Variants in WDSUB1 observed in about 807,000 individuals in gnomAD.
WDSUB1 encodes the protein WD repeat, SAM and U-box domain-containing protein 1.
In WDSUB1, 49 loss-of-function variants were observed where a neutral mutation model predicts 53.9. That is an observed-to-expected ratio of 0.91 (90% confidence interval 0.72 to 1.15). The LOEUF (loss-of-function observed/expected upper bound fraction) is 1.15, where lower values mean the gene tolerates loss of function less well. Among genes scored for constraint, WDSUB1 ranks in the 50% most tolerant of loss-of-function variants. WDSUB1 has a pLI of 0.00. For synonymous variants in WDSUB1, 194 were observed against 200.6 expected, an observed-to-expected ratio of 0.97 and a Z score of 0.28; for missense variants, 514 against 562.0, an observed-to-expected ratio of 0.91 and a Z score of 0.86.
intron 3 of WDSUB1, among the ~76,000 whole-genome samples, chr2:159,277,380 A>G (rs1386681614): frequency 6.6e-6 from 1 of 152,256 alleles, no homozygotes; most frequent in Non-Finnish European, 1.5e-5. Context: ...AGACCTAATT[A>G]GCAACGCTAT....
chr2:159,262,958 C>A (rs550416294), intron 5 of WDSUB1, among the ~76,000 whole-genome samples: 1 of 152,300 alleles, frequency 6.6e-6, no homozygotes, highest in East Asian at 1.9e-4. Flanking sequence ...TGTCATCTTT[C>A]CCCCAGTTTC....
At chr2:159,260,773 C>A (rs921462667) in intron 5 of WDSUB1, among the ~76,000 whole-genome samples, 1 of 152,184 alleles carries the variant, frequency 6.6e-6, no homozygotes, top group Non-Finnish European at 1.5e-5. Flanking sequence ...TTTCTACCCC[C>A]CTTGGAAACA....
chr2:159,277,978 G>C (rs2061577779), intron 3 of WDSUB1, among the ~76,000 whole-genome samples: 1 of 152,104 alleles, frequency 6.6e-6, no homozygotes, highest in African/African-American at 2.4e-5. Context: ...GGTTTAGTGA[G>C]CCTTTCCTGA....
In WDSUB1 at chr2:159,282,986, G is replaced by A. The variant is rs368287030; in HGVS notation, c.84C>T (p.Cys28=). ...ACAGGCGAATTGTTTTGTCCAAGGA[G>A]CAAGTAGCCAAGAGGGAAAAGGAGA... The part of the protein sequence containing the change: ...CAFSFSLLAT[C]SLDKTIRLYS... The change falls in exon 2 of 11, where the codon TGC becomes TGT. Residue 28 remains cysteine, a synonymous_variant. Transcript: ENST00000359774. The A allele has an allele frequency of 9.3e-6, 15 of 1,614,054 alleles. No homozygotes were observed. Among genetic ancestry groups the A allele is most frequent in the Non-Finnish European group, 1.3e-5 (15 of 1,180,048 alleles).
intron 1 of WDSUB1, among the ~76,000 whole-genome samples, chr2:159,284,102 G>A (rs1171083705): frequency 6.6e-6 from 1 of 152,118 alleles, no homozygotes; most frequent in Admixed American, 6.5e-5. Flanking sequence ...GTGAGCCACC[G>A]TACCCGGCCA....
chr2:159,275,031 G>A (rs927020071), intron 4 of WDSUB1, among the ~76,000 whole-genome samples: 4 of 151,920 alleles, frequency 2.6e-5, no homozygotes, highest in African/African-American at 7.3e-5. Context: ...GAAATGTGGG[G>A]GATAAAAAAA....
chr2:159,261,985 C>G (rs2151103734), intron 5 of WDSUB1, among the ~76,000 whole-genome samples: 1 of 140,012 alleles, frequency 7.1e-6, no homozygotes, highest in East Asian at 2.2e-4. Context: ...ACCTAGAGCC[C>G]AGTTCTGCTT....
chr2:159,251,872 A>G (rs1344328600), intron 9 of WDSUB1, among the ~76,000 whole-genome samples: 1 of 152,228 alleles, frequency 6.6e-6, no homozygotes, highest in African/African-American at 2.4e-5. Context: ...GAGCTGGGAA[A>G]TGACAGCATA....
In WDSUB1 at chr2:159,256,233, A is replaced by G. The variant is rs2061058554; in HGVS notation, c.1095T>C (p.Asn365=). The change falls in exon 9 of 11, where the codon AAT becomes AAC. Residue 365 remains asparagine, a synonymous_variant. Transcript: ENST00000359774. ...MNNIDGKELL[N]LTKESLADDL... ...CATCAGCCAGACTTTCTTTTGTAAG[A>G]TTCAACAGTTCTTTTCCATCAATGT... is the stretch of plus-strand genomic sequence containing the variant. 6.2e-7 allele frequency: 1 copy of G among 1,607,448 alleles called. No homozygotes were observed. The highest frequency in any genetic ancestry group is 1.3e-5 in the African/African-American group (1 of 74,596).
At chr2:159,248,105 A>G (rs1311063913) in intron 10 of WDSUB1, among the ~76,000 whole-genome samples, 1 of 151,058 alleles carries the variant, frequency 6.6e-6, no homozygotes, top group Non-Finnish European at 1.5e-5. Context: ...GTCTTTAAAA[A>G]ATAGTATTTT....
intron 5 of WDSUB1, among the ~76,000 whole-genome samples, chr2:159,269,288 A>G (rs1243854083): frequency 6.7e-6 from 1 of 149,900 alleles, no homozygotes; most frequent in African/African-American, 2.5e-5. Flanking sequence ...CTCCTGCCTC[A>G]GCCTCCTGAG....
chr2:159,244,131 G>A (rs563757527), intron 10 of WDSUB1, among the ~76,000 whole-genome samples: 2 of 152,086 alleles, frequency 1.3e-5, no homozygotes, highest in Admixed American at 6.6e-5. Flanking sequence ...ACTTAATGGT[G>A]AAAGTTGAAT....
chr2:159,275,847 CA>C (rs1195615433), intron 3 of WDSUB1, among the ~76,000 whole-genome samples: 2 of 152,140 alleles, frequency 1.3e-5, no homozygotes, highest in East Asian at 3.9e-4. Context: ...CAAGTTGCTA[CA>C]AAAAAATACC....
rs1220732453 is a variant in WDSUB1 at position 159,248,353 on chromosome 2, A to G, written c.1273+19T>C. The G allele has an allele frequency of 6.2e-7, 1 of 1,606,656 alleles. No individual in the cohort carries two copies. The highest frequency in any genetic ancestry group is 1.7e-5 in the Admixed American group (1 of 58,738). On this transcript the variant is annotated intron_variant, in intron 10 of 10. Coordinates refer to ENST00000359774, the MANE Select transcript of WDSUB1 (RefSeq NM_001128212.3). ...TAGCACAAAACATCCCCTGCAACTT[A>G]GTATAGCATCACACATACCTGATGC...
chr2:159,275,490 AG>A, intron 4 of WDSUB1, 55 bp downstream of exon 4: 1 of 1,392,500 alleles, frequency 7.2e-7, no homozygotes, highest in Non-Finnish European at 9.8e-7. Flanking sequence ...AAGATTAAAT[AG>A]AAATTTTATC....
Position 159,241,603 on chromosome 2 carries a change from C to G in WDSUB1, c.1274-5413G>C, listed in dbSNP as rs533941906. Among the ~76,000 whole-genome samples the G allele has an allele frequency of 5.4e-5, 8 of 147,832 alleles. 2 individuals carry two copies. The East Asian group carries it at 1.7e-3, about 31-fold the overall frequency. ...TGACAGCTAAATTGGCAAAAATGAC[C>G]AAGCCAAATTTTTTTAAAGATTGGA... is the stretch of plus-strand genomic sequence containing the variant. On this transcript the variant is annotated intron_variant, in intron 10 of 10. Transcript: ENST00000359774.
chr2:159,237,447 C>A (rs539491602), intron 10 of WDSUB1, among the ~76,000 whole-genome samples: 1 of 151,316 alleles, frequency 6.6e-6, no homozygotes, highest in Non-Finnish European at 1.5e-5. Flanking sequence ...CTTGAGCCCG[C>A]GAGACAGAGG....
Position 159,257,759 on chromosome 2 carries a change from T to C in WDSUB1, c.951A>G (p.Gln317=). The C allele has an allele frequency of 6.2e-7, 1 of 1,613,248 alleles. No individual in the cohort carries two copies. Among genetic ancestry groups the C allele is most frequent in the Non-Finnish European group, 8.5e-7 (1 of 1,179,208 alleles). Residue 317 remains glutamine, a splice_region_variant and synonymous_variant, in exon 8 of 11, where the codon CAA becomes CAG. Coordinates refer to ENST00000359774, the MANE Select transcript of WDSUB1 (RefSeq NM_001128212.3). ...IWQFDLETLC[Q]ARRTEHQLKQ... ...GTGAAAAATGATGTCCTTACTAACC[T>C]TGGCAAAGTGTTTCCAGGTCAAATT... is the stretch of plus-strand genomic sequence containing the variant.
At chr2:159,268,523 T>C (rs894679874) in intron 5 of WDSUB1, among the ~76,000 whole-genome samples, 7 of 152,038 alleles carry the variant, frequency 4.6e-5, no homozygotes, top group Admixed American at 1.3e-4. Flanking sequence ...TTGGAGCATA[T>C]GGAAAAAAAG....
Sources: gnomAD v4.1 joint callset for allele counts (sites outside exome capture counted in the v4.1 genomes callset) on GRCh38, gnomAD v4.1.1 for gene constraint, MANE v1.5 for transcripts, NCBI Gene and HGNC (gene_info 2026-07-23, HGNC 2026-07-21) for gene names.